The following CACHD1 variants were observed in gnomAD, a reference collection of about 807,000 sequenced individuals.
The protein encoded by CACHD1 is VWFA and cache domain-containing protein 1.
CACHD1 carries 71 observed loss-of-function variants against 138.7 expected under a neutral mutation model. The observed-to-expected ratio is 0.51, with a 90% confidence interval of 0.42 to 0.62. The LOEUF (loss-of-function observed/expected upper bound fraction) is 0.62. CACHD1 is among the 20% of genes least tolerant of loss of function. CACHD1 has a pLI of 0.00. For synonymous variants in CACHD1, 578 were observed against 591.5 expected (o/e 0.98, Z 0.33); for missense variants, 1,389 against 1,625.3 (o/e 0.85, Z 2.50).
At chr1:64,477,592 T>TTAC (rs983889465) in intron 1 of CACHD1, among the ~76,000 whole-genome samples, 15 of 135,890 alleles carry the variant, frequency 1.1e-4, no homozygotes, top group African/African-American at 4.0e-4. Context: ...CAGATTATTA[T>TTAC]TATTATTATT....
intron 2 of CACHD1, among the ~76,000 whole-genome samples, chr1:64,556,269 A>G (rs1646796435): frequency 6.6e-6 from 1 of 152,222 alleles, no homozygotes; most frequent in Non-Finnish European, 1.5e-5. Flanking sequence ...CTTAATAGTT[A>G]TAAGAACAAT....
At position 64,483,979 on chromosome 1, in the gene CACHD1, A is replaced by G. The variant is rs1478441749; in HGVS notation, c.198+13037A>G. ...GGGAACAGCAAGAAGTATCCTTGCC[A>G]ACCCTCTTTGAAACAGCACCGTCCC... On this transcript the variant is annotated intron_variant, in intron 1 of 26. Transcript: ENST00000651257. Among the ~76,000 whole-genome samples the G allele has an allele frequency of 2.0e-5, 3 of 151,554 alleles. No individual in the cohort carries two copies. The East Asian group carries it at 5.8e-4, about 29-fold the overall frequency.
chr1:64,633,516 C>T (rs921826757), intron 6 of CACHD1, among the ~76,000 whole-genome samples: 7 of 152,038 alleles, frequency 4.6e-5, no homozygotes, highest in Admixed American at 6.5e-5. Context: ...GTTGGGAAGT[C>T]AGGAAGAAGG....
rs142541146 is a variant in CACHD1, at chr1:64,682,933, C to T, written c.3586+827C>T. On this transcript the variant is annotated intron_variant, in intron 26 of 26. Transcript: ENST00000651257. ...TTTTTAAGATAGCTGTTTAATTTTC[C>T]AGAAATCTGTATTTTCCTCCTAGAA... 3.4e-3 allele frequency among the ~76,000 whole-genome samples: 516 copies of T among 151,050 alleles called. 1 individual carries two copies. Among genetic ancestry groups the T allele is most frequent in the Non-Finnish European group, 6.6e-3 (448 of 67,848 alleles).
intron 2 of CACHD1, among the ~76,000 whole-genome samples, chr1:64,556,770 T>G (rs958405716): frequency 6.6e-6 from 1 of 152,208 alleles, no homozygotes; most frequent in Non-Finnish European, 1.5e-5. Flanking sequence ...CTATATGTAG[T>G]TTTGCTGCCA....
intron 7 of CACHD1, among the ~76,000 whole-genome samples, chr1:64,634,663 G>A (rs1212053132): frequency 6.6e-6 from 1 of 152,098 alleles, no homozygotes; most frequent in Non-Finnish European, 1.5e-5. Flanking sequence ...GGAATTACAA[G>A]CATGAGTCAC....
intron 26 of CACHD1, among the ~76,000 whole-genome samples, chr1:64,683,513 A>G (rs1280733661): frequency 6.6e-6 from 1 of 152,188 alleles, no homozygotes; most frequent in African/African-American, 2.4e-5. Context: ...ATCAATACCA[A>G]ATTAGGATTC....
intron 7 of CACHD1, among the ~76,000 whole-genome samples, chr1:64,636,495 C>T (rs1648530727): frequency 6.6e-6 from 1 of 152,170 alleles, no homozygotes; most frequent in South Asian, 2.1e-4. Flanking sequence ...ACCGTTCATT[C>T]AGAGTCCTAA....
chr1:64,658,623 A>C (rs1269198136), intron 12 of CACHD1, 82 bp from the exon 13 acceptor site: 9 of 950,450 alleles, frequency 9.5e-6, no homozygotes, highest in African/African-American at 1.7e-5. Context: ...AGGTAGAGGC[A>C]GTAGAAAATA....
chr1:64,676,532 G>A (rs961895019), intron 21 of CACHD1, among the ~76,000 whole-genome samples: 6 of 152,010 alleles, frequency 3.9e-5, no homozygotes, highest in Non-Finnish European at 5.9e-5. Flanking sequence ...GCAGTGGCGC[G>A]ATCATGGCTC....
chr1:64,504,012 T>C (rs1373267134), intron 1 of CACHD1, among the ~76,000 whole-genome samples: 1 of 152,190 alleles, frequency 6.6e-6, no homozygotes, highest in Non-Finnish European at 1.5e-5. Flanking sequence ...ACAATGGAGA[T>C]GCACATGAAA....
At chr1:64,513,686 G>A (rs961323212) in intron 1 of CACHD1, among the ~76,000 whole-genome samples, 7 of 152,162 alleles carry the variant, frequency 4.6e-5, no homozygotes, top group Admixed American at 6.5e-5. Context: ...TAATGGGCTG[G>A]CAGTCAGAAA....
intron 4 of CACHD1, among the ~76,000 whole-genome samples, chr1:64,622,177 A>T (rs1463333715): frequency 1.3e-5 from 2 of 152,238 alleles, no homozygotes; most frequent in Non-Finnish European, 2.9e-5. Context: ...TAACCTGTTG[A>T]ACAACTCAAA....
rs1293976328 is a variant in CACHD1, at chr1:64,605,782, T to TG, written c.517+2870_517+2871insG. 2.6e-5 allele frequency among the ~76,000 whole-genome samples: 4 copies of TG among 152,178 alleles called. No homozygotes were observed. In the East Asian group the frequency reaches 7.7e-4, roughly 29 times the overall value. On this transcript the variant is annotated intron_variant, in intron 4 of 26. Transcript: ENST00000651257. ...CCTCATTGCCTTATTTTTTGTCTAT[T>TG]TATTGTATTGTTTCTGATAATGAGC...
At chr1:64,603,917 C>T (rs1198438075) in intron 4 of CACHD1, among the ~76,000 whole-genome samples, 2 of 152,166 alleles carry the variant, frequency 1.3e-5, no homozygotes, top group Non-Finnish European at 2.9e-5. Flanking sequence ...AATACCATCT[C>T]CAATCCTCAG....
chr1:64,503,452 C>G (rs1378350879), intron 1 of CACHD1, among the ~76,000 whole-genome samples: 1 of 152,108 alleles, frequency 6.6e-6, no homozygotes, highest in Non-Finnish European at 1.5e-5. Flanking sequence ...TAAGTCATGC[C>G]TTTTAGGAAT....
intron 1 of CACHD1, among the ~76,000 whole-genome samples, chr1:64,528,316 T>G (rs1207884204): frequency 6.6e-6 from 1 of 152,242 alleles, no homozygotes; most frequent in African/African-American, 2.4e-5. Context: ...CTCTGACTGT[T>G]AAATATTTAA....
chr1:64,624,811 G>A (rs1648039775), intron 4 of CACHD1, among the ~76,000 whole-genome samples: 1 of 152,216 alleles, frequency 6.6e-6, no homozygotes, highest in Admixed American at 6.5e-5. Context: ...TGGTATGCAT[G>A]AGGGACCTGG....
intron 2 of CACHD1, among the ~76,000 whole-genome samples, chr1:64,567,833 A>T (rs1158125409): frequency 6.6e-6 from 1 of 152,228 alleles, no homozygotes; most frequent in Non-Finnish European, 1.5e-5. Flanking sequence ...AAGTACTATG[A>T]TGAAAACTTA....
Sources: allele counts gnomAD v4.1 joint callset (sites outside exome capture counted in the v4.1 genomes callset), GRCh38; gene constraint gnomAD v4.1.1; transcripts MANE v1.5; gene names NCBI Gene and HGNC (gene_info 2026-07-23, HGNC 2026-07-21).